Variants in RPS6KA2 observed in about 807,000 individuals in gnomAD.
RPS6KA2 encodes ribosomal protein S6 kinase A2.
A neutral mutation model predicts 91.8 loss-of-function variants in RPS6KA2; 42 were observed. That is an observed-to-expected ratio of 0.46 (90% CI 0.36 to 0.59). The LOEUF is 0.59. Among genes scored for constraint, RPS6KA2 ranks in the 20% least tolerant of loss-of-function variants. The pLI is 0.00. For synonymous variants in RPS6KA2, 414 were observed against 393.6 expected (o/e 1.05, Z -0.61); for missense variants, 798 against 978.5 (o/e 0.82, Z 2.46).
At chr6:166,505,777 AC>A (rs1782194471) in intron 5 of RPS6KA2, among the ~76,000 whole-genome samples, 1 of 151,968 alleles carries the variant, frequency 6.6e-6, no homozygotes, top group Admixed American at 6.5e-5. Context: ...CCTCCATTCC[AC>A]GCTTGGCCAG....
At chr6:166,860,428 C>G (rs189004338) in intron 1 of RPS6KA2, among the ~76,000 whole-genome samples, 6 of 152,330 alleles carry the variant, frequency 3.9e-5, no homozygotes, top group Non-Finnish European at 8.8e-5. Context: ...TTGCCACTTG[C>G]AAGTGCTTTC....
At chr6:166,786,200 A>T (rs1435367095) in intron 2 of RPS6KA2, among the ~76,000 whole-genome samples, 1 of 152,244 alleles carries the variant, frequency 6.6e-6, no homozygotes, top group African/African-American at 2.4e-5. Flanking sequence ...TTTGCTAATC[A>T]TCATGGAGCA....
intron 7 of RPS6KA2, among the ~76,000 whole-genome samples, chr6:166,499,521 T>C (rs1781941253): frequency 3.9e-5 from 6 of 152,214 alleles, no homozygotes; most frequent in Admixed American, 3.9e-4. Context: ...GGTGGGTTTT[T>C]CCAGTGCTAT....
At chr6:166,773,167 G>A (rs1778522151) in intron 2 of RPS6KA2, among the ~76,000 whole-genome samples, 1 of 152,166 alleles carries the variant, frequency 6.6e-6, no homozygotes, top group Non-Finnish European at 1.5e-5. Flanking sequence ...CAGGACACGA[G>A]AGGAGAGGAC....
chr6:166,833,623 G>C (rs1780241498), intron 2 of RPS6KA2, among the ~76,000 whole-genome samples: 2 of 152,214 alleles, frequency 1.3e-5, no homozygotes, highest in Middle Eastern at 3.2e-3. Flanking sequence ...GCAATACATA[G>C]TATTTGGGCC....
intron 1 of RPS6KA2, among the ~76,000 whole-genome samples, chr6:166,598,625 C>T (rs1011059522): frequency 2.0e-5 from 3 of 152,190 alleles, no homozygotes; most frequent in African/African-American, 7.2e-5. Context: ...TGTGGGTAGA[C>T]GCTCTAAACA....
At chr6:166,592,749 T>C (rs1785398800) in intron 1 of RPS6KA2, among the ~76,000 whole-genome samples, 1 of 152,150 alleles carries the variant, frequency 6.6e-6, no homozygotes, top group African/African-American at 2.4e-5. Flanking sequence ...CCTTACATTC[T>C]ACAGGGCAAC....
In RPS6KA2 at chr6:166,413,829, T is replaced by C. The variant is rs1778403327; in HGVS notation, c.2041A>G (p.Asn681Asp). 6.2e-7 allele frequency: 1 copy of C among 1,614,068 alleles called. No homozygotes were observed. The change falls in exon 20 of 21, where the codon AAC (asparagine) becomes GAC (aspartate). Residue 681 changes from asparagine to aspartate, a missense_variant. By Grantham distance (23) the Asn-to-Asp change is conservative (BLOSUM62 1). Transcript: ENST00000265678. ...WVVNREYLSP[N>D]QLSRQDVHLV... ...TGCACGTCCTGTCGGCTGAGCTGGT[T>C]TGGGGACAGGTACTCTCTGTTGACC...
At chr6:166,539,799 T>A (rs1051064483) in intron 1 of RPS6KA2, among the ~76,000 whole-genome samples, 1 of 152,194 alleles carries the variant, frequency 6.6e-6, no homozygotes, top group East Asian at 1.9e-4. Context: ...AGGAGGTGTT[T>A]CTCCCAACAT....
intron 2 of RPS6KA2, among the ~76,000 whole-genome samples, chr6:166,841,016 T>C (rs572391462): frequency 1.3e-5 from 2 of 151,618 alleles, no homozygotes; most frequent in Non-Finnish European, 2.9e-5. Context: ...GTGTGGTAGC[T>C]CACATCTGTA....
intron 2 of RPS6KA2, among the ~76,000 whole-genome samples, chr6:166,693,510 C>G (rs1789270899): frequency 6.6e-6 from 1 of 152,222 alleles, no homozygotes; most frequent in African/African-American, 2.4e-5. Flanking sequence ...GGAGGACTCC[C>G]TGTTCCATAT....
chr6:166,609,804 A>G (rs1047439931), intron 1 of RPS6KA2, among the ~76,000 whole-genome samples: 1 of 152,128 alleles, frequency 6.6e-6, no homozygotes, highest in African/African-American at 2.4e-5. Flanking sequence ...CTGGCGTAAA[A>G]GTTTAATTTT....
At chr6:166,455,316 G>A (rs947926071) in intron 12 of RPS6KA2, among the ~76,000 whole-genome samples, 2 of 152,128 alleles carry the variant, frequency 1.3e-5, no homozygotes, top group African/African-American at 4.8e-5. Flanking sequence ...CGGGCCCCAC[G>A]CCGCGTGGGC....
intron 2 of RPS6KA2, among the ~76,000 whole-genome samples, chr6:166,703,841 T>G (rs1789602680): frequency 6.6e-6 from 1 of 152,138 alleles, no homozygotes; most frequent in Non-Finnish European, 1.5e-5. Context: ...AGGGATTTTT[T>G]CCACTCAAGA....
chr6:166,449,872 C>CA (rs1779811448), intron 13 of RPS6KA2, among the ~76,000 whole-genome samples: 1 of 119,926 alleles, frequency 8.3e-6, no homozygotes, highest in African/African-American at 2.8e-5. Flanking sequence ...GGAACCACCA[C>CA]GCGGACCACC....
chr6:166,648,933 A>G lies in RPS6KA2; in HGVS notation c.124-110149T>C, dbSNP rs947693924. Among the ~76,000 whole-genome samples the G allele has an allele frequency of 1.3e-5, 2 of 152,088 alleles. No individual in the cohort carries two copies. The highest frequency in any genetic ancestry group is 2.9e-5 in the Non-Finnish European group (2 of 68,014). ...GTCTCACCAATTCACCTGTCTCTCTAAGGCCACTGGCACCTCATGCCAGCC... is the reference window on the plus strand; with the variant it reads ...GTCTCACCAATTCACCTGTCTCTCTGAGGCCACTGGCACCTCATGCCAGCC... On this transcript the variant is annotated intron_variant, in intron 2 of 21. Coordinates refer to the RPS6KA2 transcript ENST00000503859. The surrounding 1 kb of genome is among the most constrained non-coding windows in gnomAD (Gnocchi z 4.8).
At chr6:166,640,944 C>G (rs1275587453) in intron 2 of RPS6KA2, among the ~76,000 whole-genome samples, 1 of 152,180 alleles carries the variant, frequency 6.6e-6, no homozygotes, top group Non-Finnish European at 1.5e-5. Context: ...GGGGTAAAAA[C>G]TGCCCTCTCA....
intron 2 of RPS6KA2, among the ~76,000 whole-genome samples, chr6:166,638,595 A>G (rs1451433472): frequency 6.6e-6 from 1 of 152,248 alleles, no homozygotes; most frequent in African/African-American, 2.4e-5. Context: ...TGGACTGTAC[A>G]CTGGGAAGTA....
At chr6:166,842,856 A>C (rs1188784167) in intron 2 of RPS6KA2, among the ~76,000 whole-genome samples, 1 of 152,232 alleles carries the variant, frequency 6.6e-6, no homozygotes, top group Non-Finnish European at 1.5e-5. Flanking sequence ...CTTTTGTTCC[A>C]AGAACTACCA....
Sources: allele counts gnomAD v4.1 joint callset (sites outside exome capture counted in the v4.1 genomes callset), GRCh38; gene constraint gnomAD v4.1.1; non-coding constraint Gnocchi (gnomAD v3.1); transcripts MANE v1.5; gene names NCBI Gene and HGNC (gene_info 2026-07-23, HGNC 2026-07-21).